Variants in MYO16 observed in about 807,000 individuals in gnomAD.
MYO16 encodes unconventional myosin-XVI.
A neutral mutation model predicts 205.3 loss-of-function variants in MYO16; 94 were observed. That is an observed-to-expected ratio of 0.46 (90% CI 0.39 to 0.54). The LOEUF is 0.54. Ranked by LOEUF, MYO16 falls within the 20% of genes least tolerant of loss-of-function variation. The pLI, the probability that MYO16 is intolerant of heterozygous loss-of-function variation, is 0.00. For synonymous variants in MYO16, 988 were observed against 954.0 expected (o/e 1.04, Z -0.66); for missense variants, 2,315 against 2,387.5 (o/e 0.97, Z 0.63).
At chr13:108,760,870 A>T (rs1017851674) in intron 4 of MYO16, among the ~76,000 whole-genome samples, 3 of 152,092 alleles carry the variant, frequency 2.0e-5, no homozygotes, top group African/African-American at 4.8e-5. Context: ...CCTCCATAAG[A>T]TCAACGTTTT....
chr13:109,177,111 G>A (rs985157127), intron 33 of MYO16, among the ~76,000 whole-genome samples: 1 of 152,018 alleles, frequency 6.6e-6, no homozygotes. Flanking sequence ...GACTTTGTTC[G>A]CCCTCCACAA....
At chr13:108,922,002 G>A (rs1183875416) in intron 16 of MYO16, among the ~76,000 whole-genome samples, 1 of 152,150 alleles carries the variant, frequency 6.6e-6, no homozygotes, top group East Asian at 1.9e-4. Flanking sequence ...TTATGCAAAA[G>A]TTATGATTTG....
intron 13 of MYO16, among the ~76,000 whole-genome samples, chr13:108,883,890 G>C (rs894961110): frequency 1.3e-5 from 2 of 152,160 alleles, no homozygotes; most frequent in African/African-American, 4.8e-5. Context: ...CTCTCAAAGT[G>C]CTGGGATTAC....
intron 7 of MYO16, among the ~76,000 whole-genome samples, chr13:108,813,691 C>G (rs1356649739): frequency 6.6e-6 from 1 of 152,116 alleles, no homozygotes; most frequent in East Asian, 1.9e-4. Context: ...TACAGACACA[C>G]AACACATACA....
intron 13 of MYO16, among the ~76,000 whole-genome samples, chr13:108,887,818 C>T (rs185819310): frequency 1.4e-4 from 21 of 152,260 alleles, no homozygotes; most frequent in Middle Eastern, 3.4e-3. Context: ...TTTCAAAGAA[C>T]AGAGAAGGAA....
intron 20 of MYO16, among the ~76,000 whole-genome samples, chr13:108,988,321 T>A (rs895372592): frequency 6.6e-6 from 1 of 152,220 alleles, no homozygotes; most frequent in Non-Finnish European, 1.5e-5. Flanking sequence ...CATATTTCAG[T>A]CATAAATGAT....
the MYO16 span, among the ~76,000 whole-genome samples, chr13:108,559,428 G>A: frequency 6.6e-6 from 1 of 151,242 alleles, no homozygotes; most frequent in African/African-American, 2.4e-5. Flanking sequence ...TGCGTTTTAA[G>A]CGACCCAGTT....
chr13:109,189,102 TG>T (rs1802495141), intron 34 of MYO16, among the ~76,000 whole-genome samples: 1 of 145,192 alleles, frequency 6.9e-6, no homozygotes, highest in Admixed American at 6.8e-5. Flanking sequence ...CTAAAAAAAA[TG>T]AAAAAAAAAA....
chr13:108,883,645 T>A (rs1879723368), intron 13 of MYO16, among the ~76,000 whole-genome samples: 1 of 151,986 alleles, frequency 6.6e-6, no homozygotes, highest in African/African-American at 2.4e-5. Flanking sequence ...AACTTTTTTT[T>A]TTTTTTTGAG....
At chr13:108,753,879 G>A (rs915810297) in intron 4 of MYO16, among the ~76,000 whole-genome samples, 5 of 152,172 alleles carry the variant, frequency 3.3e-5, no homozygotes, top group Non-Finnish European at 7.3e-5. Flanking sequence ...TTAAAAAGAG[G>A]CTATACTTTG....
At chr13:108,518,639 C>T in the MYO16 span, among the ~76,000 whole-genome samples, 2 of 152,132 alleles carry the variant, frequency 1.3e-5, no homozygotes, top group Non-Finnish European at 2.9e-5. Context: ...TAGACAATTA[C>T]ACCAGTTTTC....
At chr13:108,712,800 C>A in intron 3 of MYO16, 69 bp downstream of exon 3, 2 of 1,229,052 alleles carry the variant, frequency 1.6e-6, no homozygotes, top group East Asian at 2.5e-5. Context: ...AGGTTCAAAC[C>A]CAGGAACGAA....
intron 1 of MYO16, among the ~76,000 whole-genome samples, chr13:108,664,900 T>C (rs1211023425): frequency 6.6e-6 from 1 of 152,188 alleles, no homozygotes; most frequent in Non-Finnish European, 1.5e-5. Context: ...ACTTTGTTAA[T>C]CACTATATAA....
intron 16 of MYO16, among the ~76,000 whole-genome samples, chr13:108,928,597 G>T (rs1882113976): frequency 6.6e-6 from 1 of 152,166 alleles, no homozygotes; most frequent in Non-Finnish European, 1.5e-5. Flanking sequence ...GACTGAAAGA[G>T]AAAAGAATGG....
At chr13:109,205,610 C>T (rs1217183888) in intron 34 of MYO16, among the ~76,000 whole-genome samples, 1 of 151,990 alleles carries the variant, frequency 6.6e-6, no homozygotes, top group African/African-American at 2.4e-5. Context: ...CAGTATACTT[C>T]CTTAGAATTG....
chr13:109,073,289 T>C (rs937600340), intron 27 of MYO16, among the ~76,000 whole-genome samples: 23 of 151,780 alleles, frequency 1.5e-4, no homozygotes, highest in Admixed American at 1.2e-3. Context: ...TTTTGTATCT[T>C]TTTAGTAGAG....
the MYO16 span, among the ~76,000 whole-genome samples, chr13:108,571,171 T>G: frequency 1.3e-5 from 2 of 152,148 alleles, no homozygotes; most frequent in Admixed American, 6.5e-5. Context: ...AGAAAATACC[T>G]TTTTGATGAC....
At chr13:108,971,405 T>C (rs1266516536) in intron 20 of MYO16, among the ~76,000 whole-genome samples, 2 of 150,048 alleles carry the variant, frequency 1.3e-5, no homozygotes, top group Non-Finnish European at 3.0e-5. Context: ...TGTGGATATA[T>C]TATCTATATC....
At chr13:108,650,109 A>G (rs2139398861) in intron 1 of MYO16, among the ~76,000 whole-genome samples, 1 of 152,186 alleles carries the variant, frequency 6.6e-6, no homozygotes, top group South Asian at 2.1e-4. Context: ...CAAAAAATTA[A>G]ATAGCAAATA....
Sources: gnomAD v4.1 joint callset for allele counts (sites outside exome capture counted in the v4.1 genomes callset) on GRCh38, gnomAD v4.1.1 for gene constraint, MANE v1.5 for transcripts, NCBI Gene and HGNC (gene_info 2026-07-23, HGNC 2026-07-21) for gene names.